KDM5A: variants seen among roughly 807,000 people sequenced by gnomAD.
KDM5A encodes the protein lysine-specific demethylase 5A.
Under a neutral mutation model 193.5 loss-of-function variants are expected in KDM5A, and 42 were observed. The observed-to-expected ratio is 0.22, with a 90% CI of 0.17 to 0.28. KDM5A has a LOEUF of 0.28. Among genes scored for constraint, KDM5A ranks in the 10% least tolerant of loss-of-function variants. KDM5A has a pLI of 1.00. For missense variants in KDM5A, 1,692 were observed against 2,055.1 expected (o/e 0.82, Z 3.42); for synonymous variants, 796 against 718.1 (o/e 1.11, Z -1.73).
chr12:352,681 A>C (rs140045801), intron 8 of KDM5A, among the ~76,000 whole-genome samples: 5 of 152,298 alleles, frequency 3.3e-5, no homozygotes, highest in Admixed American at 6.5e-5. Flanking sequence ...GGAGGAAACA[A>C]ATGTTCATGG....
intron 9 of KDM5A, among the ~76,000 whole-genome samples, chr12:351,316 T>C (rs1319602591): frequency 3.3e-5 from 5 of 152,048 alleles, no homozygotes; most frequent in Non-Finnish European, 5.9e-5. Flanking sequence ...GGTGTTTAGT[T>C]TTCTGCTCCT....
chr12:328,055 G>C (rs1484387418), intron 14 of KDM5A, among the ~76,000 whole-genome samples: 4 of 151,902 alleles, frequency 2.6e-5, no homozygotes, highest in Non-Finnish European at 1.5e-5. Flanking sequence ...ACCATATAAG[G>C]GCATGAAAAA....
Position 389,119 on chromosome 12 carries a change from C to T in KDM5A, c.-28G>A, listed in dbSNP as rs201074442. 4,201 of 1,592,960 alleles carry T rather than the reference C, an allele frequency of 2.6e-3. 109 individuals are homozygous for T. In the African/African-American group the frequency reaches 0.047, roughly 18 times the overall value. ...CAACGGCCGGGGGGGGGGGGGGGTC[C>T]CCGTGGGGAACCGGTGGAGAAAAGC... On this transcript the variant is annotated 5_prime_UTR_variant, in exon 1 of 28. Transcript: ENST00000399788.
intron 3 of KDM5A, among the ~76,000 whole-genome samples, chr12:377,878 G>C (rs1234681692): frequency 6.6e-6 from 1 of 152,102 alleles, no homozygotes; most frequent in Non-Finnish European, 1.5e-5. Context: ...AAAGAATCCA[G>C]GAAGAATGGC....
At chr12:294,310 GAGAA>G (rs1334614762) in intron 26 of KDM5A, among the ~76,000 whole-genome samples, 5 of 152,130 alleles carry the variant, frequency 3.3e-5, no homozygotes, top group African/African-American at 1.2e-4. Flanking sequence ...GGAGGAATAA[GAGAA>G]AGAAATACTG....
chr12:385,239 GA>G (rs1223304105), intron 2 of KDM5A, among the ~76,000 whole-genome samples: 2 of 143,614 alleles, frequency 1.4e-5, no homozygotes, highest in African/African-American at 5.1e-5. Flanking sequence ...GGGGAGAAAA[GA>G]AAAAAAACTT....
chr12:292,439 G>A (rs755250495), intron 27 of KDM5A, among the ~76,000 whole-genome samples: 1 of 152,120 alleles, frequency 6.6e-6, no homozygotes, highest in East Asian at 1.9e-4. Flanking sequence ...TCACCTTATA[G>A]GGAAGGCACA....
At chr12:292,596 A>G (rs1943310759) in intron 27 of KDM5A, among the ~76,000 whole-genome samples, 163 bp downstream of exon 27, 1 of 152,254 alleles carries the variant, frequency 6.6e-6, no homozygotes, top group Non-Finnish European at 1.5e-5. Flanking sequence ...GCACACTAAG[A>G]GCCTCATTAT....
At chr12:347,333 T>G (rs1423902947) in intron 10 of KDM5A, among the ~76,000 whole-genome samples, 1 of 152,218 alleles carries the variant, frequency 6.6e-6, no homozygotes, top group Non-Finnish European at 1.5e-5. Context: ...ATGGCCATAT[T>G]GCCCAAAGTA....
chr12:388,315 T>C, intron 1 of KDM5A: 1 of 455,912 alleles, frequency 2.2e-6, no homozygotes, highest in Non-Finnish European at 4.4e-6. Context: ...TGATCTTGAG[T>C]TCCCTACGTC....
chr12:359,166 G>A (rs926165262), intron 5 of KDM5A, among the ~76,000 whole-genome samples: 3 of 152,098 alleles, frequency 2.0e-5, no homozygotes, highest in African/African-American at 7.2e-5. Flanking sequence ...GAACTGTGGT[G>A]CTGGATTAGA....
At position 323,109 on chromosome 12, in the gene KDM5A, A is replaced by T; in HGVS notation, c.2248T>A (p.Leu750Met). The T allele has an allele frequency of 6.2e-7, 1 of 1,604,860 alleles. No individual in the cohort carries two copies. Among genetic ancestry groups the T allele is most frequent in the South Asian group, 1.1e-5 (1 of 90,926 alleles). Residue 750 changes from leucine to methionine, a missense_variant, in exon 16 of 28, where the codon TTG (leucine) becomes ATG (methionine). By Grantham distance (15) the Leu-to-Met change is conservative (BLOSUM62 2). Coordinates refer to ENST00000399788, the MANE Select transcript of KDM5A (RefSeq NM_001042603.3). Reference sequence around the variant, plus strand: ...TTTTTGTGGTTGAAGTTAGCAGACAATGCTTCTGTAACACGACTGACCCAA... The same window carrying T: ...TTTTTGTGGTTGAAGTTAGCAGACATTGCTTCTGTAACACGACTGACCCAA... ...DTWVSRVTEA[L>M]SANFNHKKDL...
chr12:293,793 G>C lies in KDM5A; in HGVS notation c.4456-624C>G, dbSNP rs1308172461. ...GACTCCATCTCAAAAAAAAAAGGGG[G>C]GGGGGGGGATTTATGTTATTCTAAA... On this transcript the variant is annotated intron_variant, in intron 26 of 27. Coordinates refer to ENST00000399788, the MANE Select transcript of KDM5A (RefSeq NM_001042603.3). Among the ~76,000 whole-genome samples the C allele has an allele frequency of 2.9e-3, 397 of 138,928 alleles. 8 individuals are homozygous for C. The highest frequency in any genetic ancestry group is 9.8e-3 in the African/African-American group (379 of 38,520). The allele number at this position is 138,928 out of a possible 152,430, so 91.1% of individuals were successfully genotyped here. A position where few individuals can be genotyped will look rare whatever the true frequency, so the allele number is the denominator to read the frequency against.
At chr12:308,371 T>C (rs185659706) in intron 22 of KDM5A, among the ~76,000 whole-genome samples, 17 of 152,300 alleles carry the variant, frequency 1.1e-4, no homozygotes, top group Non-Finnish European at 1.6e-4. Flanking sequence ...ACCAACCGTA[T>C]TTTGCTGTTT....
At position 328,894 on chromosome 12, in the gene KDM5A, T is replaced by G. The variant is rs1943827170; in HGVS notation, c.1909A>C (p.Lys637Gln). 1 of 1,614,228 alleles carries G rather than the reference T, an allele frequency of 6.2e-7. No homozygotes were observed. The highest frequency in any genetic ancestry group is 2.2e-5 in the East Asian group (1 of 44,888). The change falls in exon 14 of 28, where the codon AAA (lysine) becomes CAA (glutamine). Residue 637 changes from lysine to glutamine, a missense_variant. Transcript: ENST00000399788. ...LDVGLAAMVCKELTLMTEEET... is the reference protein window; with the variant it reads ...LDVGLAAMVCQELTLMTEEET... The stretch of plus-strand genomic sequence containing the variant: ...TCTTCAGTCATGAGAGTCAATTCTT[T>G]GCAGACCATGGCAGCCAGCCCCACA...
intron 22 of KDM5A, among the ~76,000 whole-genome samples, chr12:309,094 A>C (rs537258890): frequency 6.6e-6 from 1 of 152,350 alleles, no homozygotes; most frequent in Non-Finnish European, 1.5e-5. Flanking sequence ...GTTATAAAAG[A>C]AGTTCATTTT....
chr12:309,878 T>C lies in KDM5A; in HGVS notation c.3303A>G (p.Lys1101=). ...GAGGCTCCAGGTCCAGATCCTTTTC[T>C]TTTTCTTTTTCTATTAGTTCTTTTA... ...KKVKELIEKE[K]EKDLDLEPLS... is the part of the protein sequence containing the mutation. Residue 1101 remains lysine (K), a synonymous_variant, in exon 22 of 28, where the codon AAA becomes AAG. Coordinates refer to ENST00000399788, the MANE Select transcript of KDM5A (RefSeq NM_001042603.3). 6.2e-7 allele frequency: 1 copy of C among 1,613,844 alleles called. No individual in the cohort carries two copies. The highest frequency in any genetic ancestry group is 8.5e-7 in the Non-Finnish European group (1 of 1,179,916).
In KDM5A at chr12:318,154, G is replaced by A. The variant is rs1417270179; in HGVS notation, c.2849C>T (p.Thr950Ile). 6.2e-7 allele frequency: 1 copy of A among 1,614,106 alleles called. No individual in the cohort carries two copies. Among genetic ancestry groups the A allele is most frequent in the Non-Finnish European group, 8.5e-7 (1 of 1,180,040 alleles). ...CTTTTCTTCCCATCGTTCAGAGACT[G>A]TAAGGAGCTCCTGTAGTTCAGCCAT... ...KAMAELQELL[T>I]VSERWEEKAK... is the part of the protein sequence containing the mutation. The change falls in exon 19 of 28, where the codon ACA (threonine) becomes ATA (isoleucine). Residue 950 changes from threonine (T) to isoleucine (I), a missense_variant. Transcript: ENST00000399788.
rs1210316912 is a variant in KDM5A at position 384,240 on chromosome 12, G to C, written c.244-87C>G. 34 of 968,542 alleles carry C rather than the reference G, an allele frequency of 3.5e-5. 1 individual carries two copies. The highest frequency in any genetic ancestry group is 3.1e-4 in the Admixed American group (18 of 57,540). 60.0% of individuals were successfully genotyped at this position (968,542 alleles called of 1,614,324 possible). A position where few individuals can be genotyped will look rare whatever the true frequency, so the allele number is the denominator to read the frequency against. On this transcript the variant is annotated intron_variant, in intron 2 of 27. Coordinates refer to ENST00000399788, the MANE Select transcript of KDM5A (RefSeq NM_001042603.3). ...AGGGGTCCCCAAACCCCAGGATGTG[G>C]ACCAGTACCCATCAGCGGCCTGTTA...
Sources: allele counts gnomAD v4.1 joint callset (sites outside exome capture counted in the v4.1 genomes callset), GRCh38; gene constraint gnomAD v4.1.1; transcripts MANE v1.5; gene names NCBI Gene and HGNC (gene_info 2026-07-23, HGNC 2026-07-21).